RASSF8: variants seen among roughly 807,000 people sequenced by gnomAD.
The protein encoded by RASSF8 is ras association domain-containing protein 8.
A neutral mutation model predicts 48.5 loss-of-function variants in RASSF8; 22 were observed. The ratio of observed to expected loss-of-function variants is 0.45; its 90% CI spans 0.32 to 0.65. RASSF8 has a LOEUF of 0.65. RASSF8 is among the 30% of genes least tolerant of loss of function. The pLI, the probability that RASSF8 is intolerant of heterozygous loss-of-function variation, is 0.03. For synonymous variants in RASSF8, 127 were observed against 171.5 expected (o/e 0.74, Z 2.03); for missense variants, 418 against 489.2 (o/e 0.85, Z 1.37).
chr12:26,075,649 T>G (rs555614949), downstream of RASSF8, among the ~76,000 whole-genome samples: 6 of 152,344 alleles, frequency 3.9e-5, no homozygotes, highest in South Asian at 1.2e-3. Flanking sequence ...CAGTACAAAT[T>G]CCGTGTACAC....
At chr12:25,981,902 T>C (rs1238463286) in intron 1 of RASSF8, among the ~76,000 whole-genome samples, 1 of 152,192 alleles carries the variant, frequency 6.6e-6, no homozygotes, top group African/African-American at 2.4e-5. Context: ...CAAATTTAAT[T>C]TGTGGTGTGT....
chr12:25,976,653 C>T (rs909065188), intron 1 of RASSF8, among the ~76,000 whole-genome samples: 1 of 152,194 alleles, frequency 6.6e-6, no homozygotes, highest in African/African-American at 2.4e-5. Context: ...TCTGCTCCCA[C>T]ACTGTGGAGT....
chr12:25,973,110 G>A (rs1941521353), intron 1 of RASSF8, among the ~76,000 whole-genome samples: 1 of 151,976 alleles, frequency 6.6e-6, no homozygotes, highest in African/African-American at 2.4e-5. Flanking sequence ...CAAGATCATA[G>A]CCCACTGCAT....
chr12:26,064,616 G>A lies in RASSF8; in HGVS notation c.222G>A (p.Gln74=). The A allele has an allele frequency of 6.2e-7, 1 of 1,614,182 alleles. No individual in the cohort carries two copies. Among genetic ancestry groups the A allele is most frequent in the Non-Finnish European group, 8.5e-7 (1 of 1,180,040 alleles). The change falls in exon 4 of 6, where the codon CAG becomes CAA. Residue 74 remains glutamine, a synonymous_variant. Transcript: ENST00000689635. ...GGGGGCAGTATGCTAGTGATGTGCA[G>A]CTCATTCTACGACGAACTGGGCCGT... ...NKWGQYASDV[Q]LILRRTGPSL...
At chr12:25,980,248 C>T (rs911997795) in intron 1 of RASSF8, among the ~76,000 whole-genome samples, 3 of 152,158 alleles carry the variant, frequency 2.0e-5, no homozygotes, top group African/African-American at 7.2e-5. Context: ...GGCCATTATA[C>T]TGTAATACTC....
intron 2 of RASSF8, among the ~76,000 whole-genome samples, chr12:26,006,248 T>C (rs962554979): frequency 1.3e-5 from 2 of 152,234 alleles, no homozygotes; most frequent in African/African-American, 4.8e-5. Context: ...TTCTGTAGTT[T>C]CAGAAATTGC....
At chr12:25,962,060 A>G (rs994221788) in intron 1 of RASSF8, among the ~76,000 whole-genome samples, 1 of 152,200 alleles carries the variant, frequency 6.6e-6, no homozygotes, top group Admixed American at 6.5e-5. Flanking sequence ...GCCTGAAAAA[A>G]AAAAGAAAAA....
chr12:26,027,838 C>T (rs75019863), intron 2 of RASSF8, among the ~76,000 whole-genome samples: 3,092 of 152,146 alleles, frequency 0.02, 103 homozygotes, highest in African/African-American at 0.069. Context: ...GCCAGAAATT[C>T]AATAATGTTA....
At chr12:26,077,082 C>T (rs1471594468), downstream of RASSF8, among the ~76,000 whole-genome samples, 1 of 152,182 alleles carries the variant, frequency 6.6e-6, no homozygotes, top group Non-Finnish European at 1.5e-5. Flanking sequence ...AGTGTCTGCT[C>T]ATATCCTTTG....
chr12:26,025,524 T>G (rs1437447696), intron 2 of RASSF8, among the ~76,000 whole-genome samples: 3 of 142,928 alleles, frequency 2.1e-5, no homozygotes, highest in African/African-American at 7.9e-5. Flanking sequence ...ATCGCACCGC[T>G]GCACTCTAGC....
intron 2 of RASSF8, chr12:26,053,008 G>C (rs1222112382): frequency 1.3e-5 from 2 of 152,162 alleles, no homozygotes; most frequent in Admixed American, 6.6e-5. Context: ...TAGGTTGTTG[G>C]GGGCTGCGGA....
At chr12:26,059,727 T>C (rs2137269897) in intron 3 of RASSF8, among the ~76,000 whole-genome samples, 1 of 152,366 alleles carries the variant, frequency 6.6e-6, no homozygotes, top group Admixed American at 6.5e-5. Context: ...TAGAATATTA[T>C]TTTAATGAAT....
chr12:26,023,582 C>T (rs1942836102), intron 2 of RASSF8, among the ~76,000 whole-genome samples: 1 of 151,502 alleles, frequency 6.6e-6, no homozygotes, highest in African/African-American at 2.4e-5. Context: ...TTAACAGATC[C>T]ATCTTAACAA....
chr12:26,023,886 A>G (rs1447363274), intron 2 of RASSF8, among the ~76,000 whole-genome samples: 6 of 152,242 alleles, frequency 3.9e-5, no homozygotes, highest in African/African-American at 1.4e-4. Flanking sequence ...GTATTGGAAT[A>G]AGGAAATTAT....
At chr12:25,984,745 C>T (rs1291538691) in intron 1 of RASSF8, among the ~76,000 whole-genome samples, 1 of 152,190 alleles carries the variant, frequency 6.6e-6, no homozygotes, top group African/African-American at 2.4e-5. Flanking sequence ...ACAAAAGGAG[C>T]TTCAAGGTAA....
At chr12:26,046,387 G>T (rs1245989069) in intron 2 of RASSF8, among the ~76,000 whole-genome samples, 1 of 152,086 alleles carries the variant, frequency 6.6e-6, no homozygotes, top group Non-Finnish European at 1.5e-5. Flanking sequence ...TTACTGGGTG[G>T]GTAACCCTGA....
intron 2 of RASSF8, among the ~76,000 whole-genome samples, chr12:26,012,577 CATT>C (rs1565618028): frequency 6.6e-6 from 1 of 151,900 alleles, no homozygotes; most frequent in East Asian, 1.9e-4. Context: ...TTATTTATAT[CATT>C]GTTAATTATG....
At chr12:26,020,988 GT>G (rs1942774897) in intron 2 of RASSF8, among the ~76,000 whole-genome samples, 1 of 152,074 alleles carries the variant, frequency 6.6e-6, no homozygotes, top group South Asian at 2.1e-4. Context: ...TGCAGTATTT[GT>G]TTTTTGTTTA....
chr12:26,051,239 A>G (rs1383073789), intron 2 of RASSF8, among the ~76,000 whole-genome samples: 2 of 152,210 alleles, frequency 1.3e-5, no homozygotes, highest in Admixed American at 6.5e-5. Context: ...GGTGCCTAAC[A>G]TGTAATAAGT....
Sources: gnomAD v4.1 joint callset for allele counts (sites outside exome capture counted in the v4.1 genomes callset) on GRCh38, gnomAD v4.1.1 for gene constraint, MANE v1.5 for transcripts, NCBI Gene and HGNC (gene_info 2026-07-23, HGNC 2026-07-21) for gene names.